ADCK5: variants seen among roughly 807,000 people sequenced by gnomAD.
ADCK5 encodes aarF domain containing kinase 5.
A neutral mutation model predicts 64.9 loss-of-function variants in ADCK5; 43 were observed. That is an observed-to-expected ratio of 0.66 (90% CI 0.52 to 0.85). The LOEUF is 0.85. ADCK5 is among the 40% of genes least tolerant of loss of function. The pLI is 0.00. For missense variants in ADCK5, 760 were observed against 810.5 expected (o/e 0.94, Z 0.76); for synonymous variants, 434 against 342.8 (o/e 1.27, Z -2.94).
At position 144,392,441 on chromosome 8, in the gene ADCK5, C is replaced by G. The variant is rs1474660339; in HGVS notation, c.1268-4C>G. The G allele has an allele frequency of 6.0e-6, 9 of 1,503,398 alleles. No homozygotes were observed. In the African/African-American group the frequency reaches 1.1e-4, roughly 19 times the overall value. 93.1% of individuals were successfully genotyped at this position (1,503,398 alleles called of 1,614,324 possible). A position where few individuals can be genotyped will look rare whatever the true frequency, so the allele number is the denominator to read the frequency against. On this transcript the variant is annotated splice_region_variant and splice_polypyrimidine_tract_variant and intron_variant, in intron 12 of 14. Transcript: ENST00000308860. ...CCTCCCTCCCTCCCTCCCTCCCTCCCCAGACTACCTCCTGTTCGCCGAGAT... is the reference window on the plus strand; with the variant it reads ...CCTCCCTCCCTCCCTCCCTCCCTCCGCAGACTACCTCCTGTTCGCCGAGAT...
chr8:144,382,649 G>A (rs879990027), intron 2 of ADCK5, among the ~76,000 whole-genome samples: 17 of 152,244 alleles, frequency 1.1e-4, no homozygotes, highest in Admixed American at 4.6e-4. Context: ...GACTCAGCAC[G>A]TGCCGACCGC....
At chr8:144,389,275 C>T (rs1554859880) in intron 3 of ADCK5, 2 of 456,784 alleles carry the variant, frequency 4.4e-6, no homozygotes, top group South Asian at 3.1e-5. Context: ...CTTGCCTCCC[C>T]AGGCCTTGGA....
intron 3 of ADCK5, chr8:144,389,395 T>C: frequency 2.2e-6 from 1 of 455,910 alleles, no homozygotes. Flanking sequence ...GCTGCCATCC[T>C]TTACCTTCAC....
At position 144,391,769 on chromosome 8, in the gene ADCK5, C is replaced by T. The variant is rs1254541369; in HGVS notation, c.931-14C>T. 1 of 1,542,850 alleles carries T rather than the reference C, an allele frequency of 6.5e-7. No homozygotes were observed. The highest frequency in any genetic ancestry group is 1.4e-5 in the African/African-American group (1 of 73,544). On this transcript the variant is annotated splice_polypyrimidine_tract_variant and intron_variant, in intron 8 of 14. Coordinates refer to ENST00000308860, the MANE Select transcript of ADCK5 (RefSeq NM_174922.5). Reference sequence around the variant, plus strand: ...GCGCTGGGCCTGCTGAGCCCAGCCTCTTGCTCTCCCCAGCGCGTGCTCACT... The same window carrying T: ...GCGCTGGGCCTGCTGAGCCCAGCCTTTTGCTCTCCCCAGCGCGTGCTCACT...
At chr8:144,378,061 G>A (rs11992877) in intron 1 of ADCK5, among the ~76,000 whole-genome samples, 10,750 of 152,252 alleles carry the variant, frequency 0.071, 439 homozygotes, top group African/African-American at 0.086. Context: ...ATTCAGAGAC[G>A]GGGTATGTTT....
At chr8:144,373,967 C>A (rs563560822), upstream of ADCK5, 6 of 1,096,480 alleles carry the variant, frequency 5.5e-6, no homozygotes, top group African/African-American at 6.5e-5. Flanking sequence ...GGCCTCCAGC[C>A]TCGCCCACCG....
intron 1 of ADCK5, among the ~76,000 whole-genome samples, chr8:144,375,905 G>A (rs561408564): frequency 1.7e-3 from 253 of 152,328 alleles, no homozygotes; most frequent in Non-Finnish European, 2.6e-3. Flanking sequence ...TCTAAAAGAC[G>A]GCTTATCTTC....
chr8:144,373,786 T>TTC (rs1370987888), upstream of ADCK5: 5 of 341,940 alleles, frequency 1.5e-5, no homozygotes, highest in East Asian at 2.2e-4. Context: ...ATCCACGTGC[T>TTC]TCTCACAGCG....
rs782270792 is a variant in ADCK5 at position 144,392,728 on chromosome 8, G to GGTGGGGCTGGT, written c.1521-38_1521-28dup. On this transcript the variant is annotated intron_variant, in intron 13 of 14. Coordinates refer to ENST00000308860, the MANE Select transcript of ADCK5 (RefSeq NM_174922.5). ...TGGCCCGAGGAGGCGCCCGGGCCGT[G>GGTGGGGCTGGT]GTGGGGCTGGTGTGGGGCTGACGCG... 2.7e-5 allele frequency: 43 copies of GGTGGGGCTGGT among 1,588,782 alleles called. No individual in the cohort carries two copies. In the African/African-American group the frequency reaches 4.6e-4, roughly 17 times the overall value.
At position 144,384,128 on chromosome 8, in the gene ADCK5, T is replaced by C. The variant is rs1489450384; in HGVS notation, c.266+898T>C. Among the ~76,000 whole-genome samples the C allele has an allele frequency of 6.6e-6, 1 of 152,020 alleles. No homozygotes were observed. Among genetic ancestry groups the C allele is most frequent in the Non-Finnish European group, 1.5e-5 (1 of 68,014 alleles). ...CGGGGTTTCACTGTGTTAGCCAGGA[T>C]GGTCTCGATCTCCTGACCTCGTGAT... On this transcript the variant is annotated intron_variant, in intron 3 of 14. Transcript: ENST00000308860. This position sits in a 1 kb window ranked among gnomAD's most constrained non-coding sequence, Gnocchi z 5.7.
intron 3 of ADCK5, among the ~76,000 whole-genome samples, chr8:144,386,089 A>G (rs1420145719): frequency 6.6e-6 from 1 of 150,850 alleles, no homozygotes; most frequent in Admixed American, 6.6e-5. Context: ...GCTCACTGCA[A>G]CCTCCATATC....
rs999144497 is a variant in ADCK5 at position 144,384,160 on chromosome 8, G to T, written c.266+930G>T. On this transcript the variant is annotated intron_variant, in intron 3 of 14. Transcript: ENST00000308860. This position sits in a 1 kb window ranked among gnomAD's most constrained non-coding sequence, Gnocchi z 5.7. The stretch of plus-strand genomic sequence containing the variant: ...GATCTCCTGACCTCGTGATCCACCC[G>T]CCTCGGCCTCCCAAAGTGCTGGGAT... 4.0e-5 allele frequency among the ~76,000 whole-genome samples: 6 copies of T among 151,898 alleles called. No homozygotes were observed. Among genetic ancestry groups the T allele is most frequent in the African/African-American group, 1.5e-4 (6 of 41,342 alleles).
At chr8:144,380,379 G>A (rs1452398147) in intron 2 of ADCK5, among the ~76,000 whole-genome samples, 5 of 152,246 alleles carry the variant, frequency 3.3e-5, no homozygotes, top group East Asian at 1.9e-4. Flanking sequence ...GGCACCTGCC[G>A]CAGTCAGGAT....
intron 1 of ADCK5, among the ~76,000 whole-genome samples, chr8:144,378,350 C>T (rs1819457052): frequency 6.6e-6 from 1 of 152,132 alleles, no homozygotes; most frequent in African/African-American, 2.4e-5. Flanking sequence ...GTGATCTGGT[C>T]ATGGGGGCAG....
chr8:144,391,803 C>T lies in ADCK5; in HGVS notation c.951C>T (p.Phe317=). 1 of 1,523,664 alleles carries T rather than the reference C, an allele frequency of 6.6e-7. No individual in the cohort carries two copies. The highest frequency in any genetic ancestry group is 8.8e-7 in the Non-Finnish European group (1 of 1,136,728). The allele number at this position is 1,523,664 out of a possible 1,614,324, so 94.4% of individuals were successfully genotyped here. A position where few individuals can be genotyped will look rare whatever the true frequency, so the allele number is the denominator to read the frequency against. Reference sequence around the variant, plus strand: ...CCCAGCGCGTGCTCACTGCCGACTTCTGCGCCGGCTGCAAGGTCAACGATG... The same window carrying T: ...CCCAGCGCGTGCTCACTGCCGACTTTTGCGCCGGCTGCAAGGTCAACGATG... ...KSSKRVLTAD[F]CAGCKVNDVE... is the part of the protein sequence containing the mutation. The change falls in exon 9 of 15, where the codon TTC becomes TTT. Residue 317 remains phenylalanine, a synonymous_variant. Coordinates refer to ENST00000308860, the MANE Select transcript of ADCK5 (RefSeq NM_174922.5).
intron 1 of ADCK5, 134 bp downstream of exon 1, chr8:144,374,241 G>T (rs1347801345): frequency 4.5e-6 from 4 of 880,938 alleles, no homozygotes; most frequent in African/African-American, 1.7e-5. Context: ...GCAGGGTCTC[G>T]CTCTGTCGCC....
rs1820298229 is a variant in ADCK5 at position 144,392,353 on chromosome 8, C to CAAGGTGAGGGT, written c.1267+8_1267+9insAAGGTGAGGGT. 59 of 1,052,304 alleles carry CAAGGTGAGGGT rather than the reference C, an allele frequency of 5.6e-5. No individual in the cohort carries two copies. Among genetic ancestry groups the CAAGGTGAGGGT allele is most frequent in the Non-Finnish European group, 7.5e-5 (57 of 762,840 alleles). 65.2% of individuals were successfully genotyped at this position (1,052,304 alleles called of 1,614,324 possible). ...CCGCACTGGGGGTGCAAGGTGAGGGCGTGCGGGGATGGCTGGGGCACCACA... is the reference window on the plus strand; with the variant it reads ...CCGCACTGGGGGTGCAAGGTGAGGGCAAGGTGAGGGTGTGCGGGGATGGCTGGGGCACCACA... On this transcript the variant is annotated intron_variant, in intron 12 of 14. Transcript: ENST00000308860.
chr8:144,392,976 A>C lies in ADCK5; in HGVS notation c.1645A>C (p.Thr549Pro). The C allele has an allele frequency of 6.3e-7, 1 of 1,588,752 alleles. No homozygotes were observed. The highest frequency in any genetic ancestry group is 8.5e-7 in the Non-Finnish European group (1 of 1,170,600). The change falls in exon 15 of 15, where the codon ACC becomes CCC. Residue 549 changes from threonine (T) to proline (P), a missense_variant. Transcript: ENST00000308860. ...GTGACCTGACCCACGCAGGCTGGAG[A>C]CCTTGGCCATGCGGCTGACCGCCCT... is the stretch of plus-strand genomic sequence containing the variant. ...LKFEVALRLE[T>P]LAMRLTALLA...
chr8:144,386,096 T>A (rs1452360634), intron 3 of ADCK5, among the ~76,000 whole-genome samples: 2 of 147,660 alleles, frequency 1.4e-5, no homozygotes, highest in Non-Finnish European at 3.0e-5. Flanking sequence ...GCAACCTCCA[T>A]ATCCCAGGTT....
Sources: gnomAD v4.1 joint callset for allele counts (sites outside exome capture counted in the v4.1 genomes callset) on GRCh38, gnomAD v4.1.1 for gene constraint, Gnocchi (gnomAD v3.1) non-coding constraint, MANE v1.5 for transcripts, NCBI Gene and HGNC (gene_info 2026-07-23, HGNC 2026-07-21) for gene names.